The following VIT variants were observed in gnomAD, a reference collection of about 807,000 sequenced individuals.
VIT encodes the protein vitrin.
Under a neutral mutation model 78.0 loss-of-function variants are expected in VIT, and 99 were observed. That is an observed-to-expected ratio of 1.27 (90% CI 1.08 to 1.50). The LOEUF (loss-of-function observed/expected upper bound fraction) is 1.50. VIT is among the 40% of genes most tolerant of loss of function. VIT has a pLI of 0.00. For synonymous variants in VIT, 374 were observed against 334.3 expected (o/e 1.12, Z -1.29); for missense variants, 1,126 against 875.3 (o/e 1.29, Z -3.61).
intron 11 of VIT, among the ~76,000 whole-genome samples, chr2:36,785,666 G>A (rs1665045264): frequency 6.6e-6 from 1 of 152,180 alleles, no homozygotes; most frequent in Non-Finnish European, 1.5e-5. Context: ...GGAGGTAAAA[G>A]CTTTTCTTTT....
Position 36,711,070 on chromosome 2 carries a change from T to TA in VIT, c.-18-5282dup, listed in dbSNP as rs1665771634. 5.3e-5 allele frequency among the ~76,000 whole-genome samples: 8 copies of TA among 152,298 alleles called. No individual in the cohort carries two copies. The South Asian group carries it at 1.7e-3, about 32-fold the overall frequency. ...CCTCCACATCCTCACCAACACTTGGTAGTACGAGTCTTTTTAATTTTAGTC... is the reference window on the plus strand; with the variant it reads ...CCTCCACATCCTCACCAACACTTGGTAAGTACGAGTCTTTTTAATTTTAGTC... On this transcript the variant is annotated intron_variant, in intron 1 of 15. Coordinates refer to ENST00000379242, the MANE Select transcript of VIT (RefSeq NM_053276.4).
chr2:36,765,229 C>G (rs1255105694), intron 6 of VIT, among the ~76,000 whole-genome samples: 1 of 152,120 alleles, frequency 6.6e-6, no homozygotes, highest in African/African-American at 2.4e-5. Flanking sequence ...GAGATTATTT[C>G]ACATCCATAG....
At chr2:36,760,558 T>A (rs1324048706) in intron 6 of VIT, among the ~76,000 whole-genome samples, 1 of 152,188 alleles carries the variant, frequency 6.6e-6, no homozygotes, top group Non-Finnish European at 1.5e-5. Context: ...TGTCCTCTTT[T>A]GACCTGGGCA....
intron 7 of VIT, among the ~76,000 whole-genome samples, chr2:36,771,152 T>C (rs559718032): frequency 6.6e-6 from 1 of 152,006 alleles, no homozygotes; most frequent in African/African-American, 2.4e-5. Flanking sequence ...AGACAAATAT[T>C]CCAAAAGAAA....
chr2:36,738,647 A>T (rs1367577960), intron 3 of VIT, among the ~76,000 whole-genome samples: 2 of 152,186 alleles, frequency 1.3e-5, no homozygotes, highest in South Asian at 2.1e-4. Context: ...ATGAATGAAG[A>T]TGTTAACTGG....
chr2:36,719,004 G>A (rs1016330804), intron 2 of VIT, among the ~76,000 whole-genome samples: 10 of 152,110 alleles, frequency 6.6e-5, no homozygotes, highest in African/African-American at 2.2e-4. Context: ...GGGTTTAGTC[G>A]AACAAATAAA....
At chr2:36,790,984 C>T (rs10209055) in intron 12 of VIT, among the ~76,000 whole-genome samples, 108,498 of 151,940 alleles carry the variant, frequency 0.71, 39,229 homozygotes, top group East Asian at 0.99. Context: ...CATCCCGGAC[C>T]CACAGGTGCT....
intron 7 of VIT, among the ~76,000 whole-genome samples, chr2:36,770,250 G>A (rs537946602): frequency 6.6e-6 from 1 of 152,346 alleles, no homozygotes; most frequent in African/African-American, 2.4e-5. Context: ...AGTCGCTTCG[G>A]CTTAGGACAC....
intron 3 of VIT, among the ~76,000 whole-genome samples, chr2:36,735,010 A>G (rs1004525388): frequency 7.2e-5 from 11 of 152,088 alleles, no homozygotes; most frequent in Non-Finnish European, 1.6e-4. Context: ...CTAAAAATAT[A>G]AAAATTTGCC....
At chr2:36,750,067 T>G (rs1458837270) in intron 4 of VIT, among the ~76,000 whole-genome samples, 1 of 152,184 alleles carries the variant, frequency 6.6e-6, no homozygotes, top group Non-Finnish European at 1.5e-5. Flanking sequence ...CTATTAAGGA[T>G]AAGTAGTAAA....
intron 2 of VIT, among the ~76,000 whole-genome samples, chr2:36,725,012 T>C (rs1334128933): frequency 3.6e-4 from 55 of 152,220 alleles, no homozygotes; most frequent in Admixed American, 3.5e-3. Flanking sequence ...GCACAGTTAA[T>C]TGACAAGAGG....
intron 9 of VIT, among the ~76,000 whole-genome samples, chr2:36,777,659 C>T (rs1670155747): frequency 6.6e-6 from 1 of 152,144 alleles, no homozygotes; most frequent in African/African-American, 2.4e-5. Context: ...TCTGTAGAAG[C>T]AGGTCACCTC....
rs199951224 is a variant in VIT, at chr2:36,806,012, A to G, written c.1389+348A>G. Among the ~76,000 whole-genome samples, 25 of 151,824 alleles carry G rather than the reference A, an allele frequency of 1.6e-4. No individual in the cohort carries two copies. In the South Asian group the frequency reaches 2.9e-3, roughly 18 times the overall value. ...CTCTCTCTCTCTCACACACACACACACGCACACACACACACGCTTTCTCCT... is the reference window on the plus strand; with the variant it reads ...CTCTCTCTCTCTCACACACACACACGCGCACACACACACACGCTTTCTCCT... On this transcript the variant is annotated intron_variant, in intron 14 of 15. Coordinates refer to ENST00000379242, the MANE Select transcript of VIT (RefSeq NM_053276.4).
intron 1 of VIT, among the ~76,000 whole-genome samples, chr2:36,710,063 T>C (rs1665707503): frequency 6.6e-6 from 1 of 152,188 alleles, no homozygotes; most frequent in African/African-American, 2.4e-5. Flanking sequence ...TCTGTATATG[T>C]TAAGTCTTCC....
intron 4 of VIT, among the ~76,000 whole-genome samples, chr2:36,750,222 A>T (rs1186089977): frequency 6.6e-6 from 1 of 152,228 alleles, no homozygotes; most frequent in African/African-American, 2.4e-5. Flanking sequence ...AAAAGGGAAA[A>T]GTTATACAAA....
chr2:36,740,216 G>A (rs549980471), intron 3 of VIT, among the ~76,000 whole-genome samples: 7 of 152,264 alleles, frequency 4.6e-5, no homozygotes, highest in South Asian at 2.1e-4. Flanking sequence ...CCTAAGCTGC[G>A]AGCACTGAAT....
Position 36,783,342 on chromosome 2 carries a change from C to G in VIT, c.850C>G (p.Leu284Val). 1 of 1,614,116 alleles carries G rather than the reference C, an allele frequency of 6.2e-7. No individual in the cohort carries two copies. Among genetic ancestry groups the G allele is most frequent in the Non-Finnish European group, 8.5e-7 (1 of 1,180,000 alleles). Residue 284 changes from leucine to valine, a missense_variant and splice_region_variant, in exon 11 of 16, where the codon CTT (leucine) becomes GTT (valine). Leu to Val is a conservative substitution (Grantham distance 32, BLOSUM62 1). Coordinates refer to ENST00000379242, the MANE Select transcript of VIT (RefSeq NM_053276.4). ...KPGSVLLDEGLVPKEELSTQS... is the reference protein window; with the variant it reads ...KPGSVLLDEGVVPKEELSTQS... ...AAAAGTTTTACTGCTCTTTCCAGGACTTGTTCCAAAAGAAGAATTGAGCAC... is the reference window on the plus strand; with the variant it reads ...AAAAGTTTTACTGCTCTTTCCAGGAGTTGTTCCAAAAGAAGAATTGAGCAC...
chr2:36,729,574 T>C lies in VIT; in HGVS notation c.118+83T>C. ...TATTATACTTGTTTTAGGTAATTTTTGTTTTGGTTTGGTTTTTATCTCTAT... is the reference window on the plus strand; with the variant it reads ...TATTATACTTGTTTTAGGTAATTTTCGTTTTGGTTTGGTTTTTATCTCTAT... On this transcript the variant is annotated intron_variant, in intron 3 of 15. Transcript: ENST00000379242. The C allele has an allele frequency of 2.8e-6, 4 of 1,445,538 alleles. No homozygotes were observed. In the Admixed American group the frequency reaches 8.5e-5, roughly 31 times the overall value. 89.5% of individuals were successfully genotyped at this position (1,445,538 alleles called of 1,614,324 possible).
At chr2:36,722,695 G>A (rs758314855) in intron 2 of VIT, among the ~76,000 whole-genome samples, 2 of 152,136 alleles carry the variant, frequency 1.3e-5, no homozygotes, top group Non-Finnish European at 2.9e-5. Flanking sequence ...GCTTATAAAA[G>A]TTCTAGGTAC....
Sources: gnomAD v4.1 joint callset for allele counts (sites outside exome capture counted in the v4.1 genomes callset) on GRCh38, gnomAD v4.1.1 for gene constraint, MANE v1.5 for transcripts, NCBI Gene and HGNC (gene_info 2026-07-23, HGNC 2026-07-21) for gene names.